Variants in IL15 observed in about 807,000 individuals in gnomAD.
IL15 encodes the protein interleukin 15.
IL15 carries 11 observed loss-of-function variants against 19.6 expected under a neutral mutation model. The observed-to-expected ratio is 0.56, with a 90% confidence interval of 0.35 to 0.93. The LOEUF is 0.93. Among genes scored for constraint, IL15 ranks in the 40% least tolerant of loss-of-function variants. The pLI, the probability that IL15 is intolerant of heterozygous loss-of-function variation, is 0.01. For synonymous variants in IL15, 58 were observed against 59.6 expected (o/e 0.97, Z 0.12); for missense variants, 197 against 186.5 (o/e 1.06, Z -0.33).
At chr4:141,721,890 T>C (rs1442531960) in intron 4 of IL15, 34 bp from the exon 5 acceptor site, 1 of 1,540,376 alleles carries the variant, frequency 6.5e-7, no homozygotes, top group South Asian at 1.2e-5. Flanking sequence ...AATAGGCTCC[T>C]TCAAAATGCT....
intron 1 of IL15, among the ~76,000 whole-genome samples, chr4:141,646,448 C>T (rs1253416528): frequency 6.6e-6 from 1 of 151,964 alleles, no homozygotes; most frequent in Non-Finnish European, 1.5e-5. Context: ...CAGATATCAC[C>T]CCCTTCCCCA....
intron 1 of IL15, among the ~76,000 whole-genome samples, chr4:141,641,703 A>AG (rs1727050029): frequency 1.8e-5 from 1 of 56,340 alleles, no homozygotes; most frequent in Non-Finnish European, 3.6e-5. Context: ...GGGTGGGGGG[A>AG]GGGGGGAGGG....
intron 1 of IL15, among the ~76,000 whole-genome samples, chr4:141,653,930 G>A (rs1560903116): frequency 6.6e-6 from 1 of 152,156 alleles, no homozygotes; most frequent in East Asian, 1.9e-4. Context: ...ATTTGTTGAT[G>A]TTTATAGTGC....
chr4:141,692,515 A>G (rs1284076310), intron 2 of IL15, among the ~76,000 whole-genome samples: 1 of 152,192 alleles, frequency 6.6e-6, no homozygotes, highest in African/African-American at 2.4e-5. Flanking sequence ...TCTCTGTGAG[A>G]GCACATAAAT....
intron 2 of IL15, among the ~76,000 whole-genome samples, chr4:141,699,975 A>G (rs1729230517): frequency 6.6e-6 from 1 of 152,012 alleles, no homozygotes. Flanking sequence ...CTGAGGTGCA[A>G]TGGTGTGGTC....
At chr4:141,669,774 G>C (rs1345697055) in intron 2 of IL15, among the ~76,000 whole-genome samples, 2 of 50,868 alleles carry the variant, frequency 3.9e-5, no homozygotes, top group African/African-American at 2.6e-4. Flanking sequence ...CTTATTCTTT[G>C]TATTTTTTTT....
chr4:141,657,250 A>C (rs1727640094), intron 2 of IL15, among the ~76,000 whole-genome samples: 1 of 152,158 alleles, frequency 6.6e-6, no homozygotes, highest in Non-Finnish European at 1.5e-5. Context: ...TAGGCCCCTT[A>C]AGATGGATAA....
chr4:141,656,743 A>T (rs1422373518), intron 2 of IL15, among the ~76,000 whole-genome samples: 1 of 152,208 alleles, frequency 6.6e-6, no homozygotes, highest in Non-Finnish European at 1.5e-5. Flanking sequence ...AATTGTGCAT[A>T]TCACTTTCTG....
At chr4:141,689,451 C>T (rs1273019322) in intron 2 of IL15, among the ~76,000 whole-genome samples, 2 of 152,122 alleles carry the variant, frequency 1.3e-5, no homozygotes, top group Admixed American at 1.3e-4. Flanking sequence ...CTCCAAGGCC[C>T]CACCAGAATA....
intron 2 of IL15, among the ~76,000 whole-genome samples, chr4:141,689,812 T>C (rs1395097016): frequency 6.6e-6 from 1 of 151,904 alleles, no homozygotes; most frequent in African/African-American, 2.4e-5. Flanking sequence ...GATCCCACAC[T>C]GGGGCTGCAG....
chr4:141,645,234 G>C (rs923102284), intron 1 of IL15, among the ~76,000 whole-genome samples: 1 of 152,052 alleles, frequency 6.6e-6, no homozygotes, highest in Non-Finnish European at 1.5e-5. Flanking sequence ...TTAATTTTTT[G>C]GGAAGTCAAG....
chr4:141,680,343 C>A (rs12510514), intron 2 of IL15, among the ~76,000 whole-genome samples: 11,746 of 152,198 alleles, frequency 0.077, 641 homozygotes, highest in Non-Finnish European at 0.12. Flanking sequence ...CAGAAGTGAG[C>A]TATCCCCTGT....
chr4:141,727,973 A>C lies in IL15; in HGVS notation c.229A>C (p.Ser77Arg). 1 of 1,354,744 alleles carries C rather than the reference A, an allele frequency of 7.4e-7. No homozygotes were observed. The highest frequency in any genetic ancestry group is 1.0e-6 in the Non-Finnish European group (1 of 963,240). 83.9% of individuals were successfully genotyped at this position (1,354,744 alleles called of 1,614,324 possible). The change falls in exon 6 of 8, where the codon AGT becomes CGT. Residue 77 changes from serine to arginine, a missense_variant. Coordinates refer to ENST00000320650, the MANE Select transcript of IL15 (RefSeq NM_000585.5). ...TATTGATGCTACTTTATATACGGAA[A>C]GTGATGTTCACGTGAGTATACTTTT... Reference protein sequence around the residue: ...MHIDATLYTESDVHPSCKVTA... With the variant: ...MHIDATLYTERDVHPSCKVTA...
At chr4:141,720,431 A>G (rs1730034446) in intron 3 of IL15, 38 bp from the exon 4 acceptor site, 1 of 1,078,930 alleles carries the variant, frequency 9.3e-7, no homozygotes, top group Non-Finnish European at 1.4e-6. Context: ...CTTTTTAACT[A>G]AAAAATTTAA....
intron 2 of IL15, among the ~76,000 whole-genome samples, chr4:141,684,756 ATTAT>A (rs1728654764): frequency 6.6e-6 from 1 of 152,148 alleles, no homozygotes; most frequent in South Asian, 2.1e-4. Context: ...TTGATTCAGT[ATTAT>A]TTATTATTTA....
chr4:141,697,730 T>C (rs956722479), intron 2 of IL15, among the ~76,000 whole-genome samples: 1 of 152,102 alleles, frequency 6.6e-6, no homozygotes, highest in Non-Finnish European at 1.5e-5. Flanking sequence ...TTCACCTCCT[T>C]AGTTAGGTAT....
At chr4:141,662,765 T>C (rs997885657) in intron 2 of IL15, among the ~76,000 whole-genome samples, 9 of 152,220 alleles carry the variant, frequency 5.9e-5, no homozygotes, top group Non-Finnish European at 1.2e-4. Context: ...TTTGTTGTTA[T>C]TACTTAGCTA....
chr4:141,661,633 A>C (rs1727792784), intron 2 of IL15, among the ~76,000 whole-genome samples: 1 of 152,138 alleles, frequency 6.6e-6, no homozygotes. Flanking sequence ...TGTGTGGCTC[A>C]TCTTTGACCA....
intron 2 of IL15, among the ~76,000 whole-genome samples, chr4:141,672,252 C>G (rs1728199868): frequency 6.6e-6 from 1 of 152,134 alleles, no homozygotes; most frequent in Non-Finnish European, 1.5e-5. Context: ...ACACTGTCTT[C>G]ATTTTTTTAG....
Sources: allele counts gnomAD v4.1 joint callset (sites outside exome capture counted in the v4.1 genomes callset), GRCh38; gene constraint gnomAD v4.1.1; transcripts MANE v1.5; gene names NCBI Gene and HGNC (gene_info 2026-07-23, HGNC 2026-07-21).